TNFRSF10B: variants seen among roughly 807,000 people sequenced by gnomAD.
TNFRSF10B encodes tumor necrosis factor receptor superfamily member 10B.
Under a neutral mutation model 41.4 loss-of-function variants are expected in TNFRSF10B, and 35 were observed. The observed-to-expected ratio is 0.85, with a 90% CI of 0.65 to 1.12. The LOEUF (loss-of-function observed/expected upper bound fraction) is 1.12. Ranked by LOEUF, TNFRSF10B falls within the 50% of genes most tolerant of loss-of-function variation. The pLI is 0.00. For missense variants in TNFRSF10B, 584 were observed against 552.7 expected, an observed-to-expected ratio of 1.06 and a Z score of -0.57; for synonymous variants, 230 against 215.5, an observed-to-expected ratio of 1.07 and a Z score of -0.59.
intron 1 of TNFRSF10B, among the ~76,000 whole-genome samples, chr8:23,054,056 A>G (rs1812595861): frequency 6.6e-6 from 1 of 152,194 alleles, no homozygotes; most frequent in Admixed American, 6.5e-5. Flanking sequence ...TGTCCTCCAT[A>G]AATAATTGTT....
At chr8:23,056,729 T>C (rs1812677310) in intron 1 of TNFRSF10B, among the ~76,000 whole-genome samples, 1 of 152,100 alleles carries the variant, frequency 6.6e-6, no homozygotes, top group East Asian at 1.9e-4. Context: ...TTTTGAAATA[T>C]TTTTGTATTA....
intron 1 of TNFRSF10B, among the ~76,000 whole-genome samples, chr8:23,052,476 C>T (rs1014865296): frequency 6.6e-5 from 10 of 151,650 alleles, no homozygotes; most frequent in Non-Finnish European, 5.9e-5. Context: ...TTAGTAGAGA[C>T]GGGGTTTCAC....
intron 1 of TNFRSF10B, among the ~76,000 whole-genome samples, chr8:23,049,150 G>A (rs980538558): frequency 2.6e-5 from 4 of 152,138 alleles, no homozygotes; most frequent in East Asian, 1.9e-4. Context: ...AAACAGTATC[G>A]TGGCAGGCCA....
rs573457163 is a variant in TNFRSF10B, at chr8:23,026,570, C to T, written c.936+563G>A. ...TCTCATCTTATGTTCGAGGGAAGGACTTTCAGTGCTTACGAGCAATGAACA... is the reference window on the plus strand; with the variant it reads ...TCTCATCTTATGTTCGAGGGAAGGATTTTCAGTGCTTACGAGCAATGAACA... On this transcript the variant is annotated intron_variant, in intron 7 of 8. Coordinates refer to ENST00000276431, the MANE Select transcript of TNFRSF10B (RefSeq NM_003842.5). 2.6e-3 allele frequency among the ~76,000 whole-genome samples: 403 copies of T among 152,284 alleles called. 1 individual carries two copies. Among genetic ancestry groups the T allele is most frequent in the Non-Finnish European group, 4.6e-3 (314 of 68,016 alleles).
At chr8:23,024,424 A>G (rs1435747688) in intron 7 of TNFRSF10B, among the ~76,000 whole-genome samples, 164 bp from the exon 8 acceptor site, 2 of 152,194 alleles carry the variant, frequency 1.3e-5, no homozygotes, top group Non-Finnish European at 2.9e-5. Context: ...AGACTCTCGG[A>G]AGGAGGCCGA....
chr8:23,051,927 T>C (rs908057110), intron 1 of TNFRSF10B, among the ~76,000 whole-genome samples: 5 of 152,188 alleles, frequency 3.3e-5, no homozygotes, highest in African/African-American at 9.7e-5. Flanking sequence ...AGGACTGTTA[T>C]CACATTTGTT....
At chr8:23,041,470 T>C (rs1179930592) in intron 2 of TNFRSF10B, among the ~76,000 whole-genome samples, 1 of 152,100 alleles carries the variant, frequency 6.6e-6, no homozygotes, top group Non-Finnish European at 1.5e-5. Context: ...TGGTTGAGGC[T>C]ACAGTGAGCT....
rs1390267906 is a variant in TNFRSF10B at position 23,022,191 on chromosome 8, T to G, written c.*480A>C. ...GGGAGAATCGCTTGAGCCTGAGAGG[T>G]CAAGGCTATAGTGAGCCAAGATTGC... On this transcript the variant is annotated 3_prime_UTR_variant, in exon 9 of 9. Transcript: ENST00000276431. The G allele has an allele frequency of 2.2e-6, 1 of 450,876 alleles. No homozygotes were observed. Among genetic ancestry groups the G allele is most frequent in the Non-Finnish European group, 4.5e-6 (1 of 224,460 alleles). 27.9% of individuals were successfully genotyped at this position (450,876 alleles called of 1,614,324 possible).
chr8:23,051,684 A>G (rs775919201), intron 1 of TNFRSF10B, among the ~76,000 whole-genome samples: 1 of 151,844 alleles, frequency 6.6e-6, no homozygotes, highest in South Asian at 2.1e-4. Context: ...AGCTGGGACT[A>G]CAGTCGCCCG....
At position 23,028,596 on chromosome 8, in the gene TNFRSF10B, G is replaced by A. The variant is rs1283988089; in HGVS notation, c.483C>T (p.Pro161=). The A allele has an allele frequency of 1.2e-6, 2 of 1,613,898 alleles. No homozygotes were observed. Among genetic ancestry groups the A allele is most frequent in the East Asian group, 2.2e-5 (1 of 44,892 alleles). The change falls in exon 5 of 9, where the codon CCC becomes CCT. Residue 161 remains proline, a synonymous_variant. Coordinates refer to ENST00000276431, the MANE Select transcript of TNFRSF10B (RefSeq NM_003842.5). ...AATCACCGACCTTGACCATCCCTCTGGGACACCTGGGTACACACACAGAGG... is the reference window on the plus strand; with the variant it reads ...AATCACCGACCTTGACCATCCCTCTAGGACACCTGGGTACACACACAGAGG... ...EMCRKCRTGC[P]RGMVKVGDCT...
At chr8:23,046,778 A>T (rs1299474670) in intron 1 of TNFRSF10B, among the ~76,000 whole-genome samples, 1 of 152,164 alleles carries the variant, frequency 6.6e-6, no homozygotes, top group Non-Finnish European at 1.5e-5. Flanking sequence ...ATGGAACAAA[A>T]TACAGAGCCT....
At chr8:23,024,120 G>A (rs1783816458) in intron 8 of TNFRSF10B, 68 bp downstream of exon 8, 9 of 1,599,692 alleles carry the variant, frequency 5.6e-6, no homozygotes, top group South Asian at 1.1e-5. Context: ...TGACCTCTGG[G>A]GACAGCAGTT....
intron 1 of TNFRSF10B, chr8:23,068,129 A>G (rs1813051040): frequency 6.5e-6 from 1 of 153,070 alleles, no homozygotes; most frequent in African/African-American, 2.4e-5. Flanking sequence ...AGGAACCCCA[A>G]ACAATGGCAT....
chr8:23,021,487 C>T lies in TNFRSF10B; in HGVS notation c.*1184G>A, dbSNP rs976704412. On this transcript the variant is annotated 3_prime_UTR_variant, in exon 9 of 9. Coordinates refer to ENST00000276431, the MANE Select transcript of TNFRSF10B (RefSeq NM_003842.5). ...GGCAGACGTGGGAGACAGATTTTGT[C>T]TTCTATCTCCTGAGCCCAAACAGGG... 8.8e-6 allele frequency: 4 copies of T among 454,016 alleles called. No homozygotes were observed. Among genetic ancestry groups the T allele is most frequent in the African/African-American group, 4.0e-5 (2 of 50,018 alleles). 28.1% of individuals were successfully genotyped at this position (454,016 alleles called of 1,614,324 possible). A position where few individuals can be genotyped will look rare whatever the true frequency, so the allele number is the denominator to read the frequency against.
At chr8:23,061,679 A>C (rs1223272524) in intron 1 of TNFRSF10B, among the ~76,000 whole-genome samples, 1 of 152,146 alleles carries the variant, frequency 6.6e-6, no homozygotes. Flanking sequence ...GTTTTCTTAC[A>C]TGGCTTTTAT....
intron 1 of TNFRSF10B, among the ~76,000 whole-genome samples, chr8:23,050,636 GAA>G (rs1812498411): frequency 6.6e-6 from 1 of 152,084 alleles, no homozygotes; most frequent in African/African-American, 2.4e-5. Context: ...GGGTTTTAAA[GAA>G]AAAGTGTAAT....
Position 23,032,525 on chromosome 8 carries a change from T to C in TNFRSF10B, c.251-1653A>G, listed in dbSNP as rs553709191. ...TGGTCAATAAGTCTTTTTAATTCCA[T>C]ACGACTTTGAATATAAGTTCTTCCA... On this transcript the variant is annotated intron_variant, in intron 2 of 8. Coordinates refer to ENST00000276431, the MANE Select transcript of TNFRSF10B (RefSeq NM_003842.5). Among the ~76,000 whole-genome samples, 6 of 150,144 alleles carry C rather than the reference T, an allele frequency of 4.0e-5. No homozygotes were observed. The South Asian group carries it at 1.3e-3, about 33-fold the overall frequency.
chr8:23,066,008 C>G (rs748899136), intron 1 of TNFRSF10B, among the ~76,000 whole-genome samples: 18 of 152,146 alleles, frequency 1.2e-4, no homozygotes, highest in Non-Finnish European at 2.5e-4. Flanking sequence ...ATAGGTTGCG[C>G]ACGGTGGCTC....
At chr8:23,049,964 G>A (rs1812477156) in intron 1 of TNFRSF10B, 1 of 152,274 alleles carries the variant, frequency 6.6e-6, no homozygotes. Flanking sequence ...TCTTCAGGAG[G>A]ATCCCAGCAG....
Sources: allele counts gnomAD v4.1 joint callset (sites outside exome capture counted in the v4.1 genomes callset), GRCh38; gene constraint gnomAD v4.1.1; transcripts MANE v1.5; gene names NCBI Gene and HGNC (gene_info 2026-07-23, HGNC 2026-07-21).